The following STXBP6 variants were observed in gnomAD, a reference collection of about 807,000 sequenced individuals.
The protein encoded by STXBP6 is syntaxin-binding protein 6.
A neutral mutation model predicts 26.9 loss-of-function variants in STXBP6; 21 were observed. That is an observed-to-expected ratio of 0.78 (90% CI 0.55 to 1.12). The LOEUF (loss-of-function observed/expected upper bound fraction) is 1.12, where lower values mean the gene tolerates loss of function less well. Ranked by LOEUF, STXBP6 falls within the 50% of genes most tolerant of loss-of-function variation. The probability of loss-of-function intolerance (pLI) is 0.00; values close to 1 mark genes in which losing one functional copy is unlikely to be tolerated. For synonymous variants in STXBP6, 97 were observed against 92.6 expected, an observed-to-expected ratio of 1.05 and a Z score of -0.27; for missense variants, 232 against 257.9, an observed-to-expected ratio of 0.90 and a Z score of 0.69.
chr14:24,877,215 GC>G (rs371986281), intron 2 of STXBP6, among the ~76,000 whole-genome samples: 70 of 152,146 alleles, frequency 4.6e-4, no homozygotes, highest in African/African-American at 1.5e-3. Context: ...GAATACAATG[GC>G]TCTTTTATGA....
At chr14:24,949,363 AT>A (rs1326971998) in intron 2 of STXBP6, among the ~76,000 whole-genome samples, 1 of 152,188 alleles carries the variant, frequency 6.6e-6, no homozygotes, top group East Asian at 1.9e-4. Flanking sequence ...ACTAAAGAGG[AT>A]TCTGTAGAAG....
chr14:25,045,044 A>T (rs1468079912), intron 1 of STXBP6, among the ~76,000 whole-genome samples: 1 of 152,244 alleles, frequency 6.6e-6, no homozygotes, highest in Non-Finnish European at 1.5e-5. Context: ...ATTAATAGCC[A>T]TACTTAATGA....
At chr14:24,898,807 T>C (rs1391830419) in intron 2 of STXBP6, among the ~76,000 whole-genome samples, 2 of 151,206 alleles carry the variant, frequency 1.3e-5, no homozygotes, top group Non-Finnish European at 2.9e-5. Context: ...TTTATGTTTA[T>C]ATAAAGGCAT....
At chr14:24,946,881 G>T (rs77565422) in intron 2 of STXBP6, among the ~76,000 whole-genome samples, 2,038 of 152,258 alleles carry the variant, frequency 0.013, 40 homozygotes, top group African/African-American at 0.047. Flanking sequence ...AGAGTATTCA[G>T]GAAGGGGCTA....
At chr14:24,990,921 T>C (rs764170978) in intron 1 of STXBP6, among the ~76,000 whole-genome samples, 7 of 139,388 alleles carry the variant, frequency 5.0e-5, no homozygotes, top group African/African-American at 8.1e-5. Context: ...GGGGAGAGGA[T>C]GGAGGAGAGA....
rs189564314 is a variant in STXBP6, at chr14:25,036,046, C to T, written c.-33+13832G>A. ...CAGCCCAGACAACATGGTGAAACCC[C>T]GTCTCTACAAAAAATACAAAAAGTA... On this transcript the variant is annotated intron_variant, in intron 1 of 5. Coordinates refer to ENST00000323944, the MANE Select transcript of STXBP6 (RefSeq NM_001394410.1). Among the ~76,000 whole-genome samples, 719 of 151,796 alleles carry T rather than the reference C, an allele frequency of 4.7e-3. 4 individuals carry two copies. Among genetic ancestry groups the T allele is most frequent in the African/African-American group, 0.016 (644 of 41,394 alleles).
intron 2 of STXBP6, among the ~76,000 whole-genome samples, chr14:24,926,074 TAACTC>T (rs1319615216): frequency 1.3e-5 from 2 of 152,186 alleles, no homozygotes; most frequent in Non-Finnish European, 2.9e-5. Flanking sequence ...TGTTCCCAAA[TAACTC>T]AGCTCTGCTG....
At chr14:25,018,081 T>G (rs1024177069) in intron 1 of STXBP6, among the ~76,000 whole-genome samples, 9 of 152,178 alleles carry the variant, frequency 5.9e-5, no homozygotes, top group Non-Finnish European at 1.0e-4. Context: ...AACACATTCT[T>G]AACCTGATCT....
rs574770277 is a variant in STXBP6 at position 24,904,441 on chromosome 14, G to A, written c.155-47284C>T. Among the ~76,000 whole-genome samples, 4 of 152,196 alleles carry A rather than the reference G, an allele frequency of 2.6e-5. No homozygotes were observed. The Middle Eastern group carries it at 0.014, about 518-fold the overall frequency. ...TTTTTGTAGAATATTACTTTTAATG[G>A]CGAACCCGCAATTACTTTTGCGCCA... On this transcript the variant is annotated intron_variant, in intron 2 of 5. Coordinates refer to ENST00000323944, the MANE Select transcript of STXBP6 (RefSeq NM_001394410.1).
intron 1 of STXBP6, among the ~76,000 whole-genome samples, chr14:25,036,813 G>A (rs1047778606): frequency 1.2e-4 from 16 of 135,492 alleles, no homozygotes; most frequent in Non-Finnish European, 2.1e-4. Context: ...CCAAGATGGC[G>A]CCACAGCACT....
intron 1 of STXBP6, among the ~76,000 whole-genome samples, chr14:25,003,805 C>A (rs1041600311): frequency 2.0e-5 from 3 of 152,168 alleles, no homozygotes; most frequent in Admixed American, 2.0e-4. Context: ...AACAACAAGA[C>A]AAAACATCAC....
intron 2 of STXBP6, among the ~76,000 whole-genome samples, chr14:24,909,709 C>T (rs2071502339): frequency 6.6e-6 from 1 of 150,962 alleles, no homozygotes; most frequent in Admixed American, 6.6e-5. Flanking sequence ...GAGCATTGTA[C>T]TTACCAGATA....
chr14:25,014,284 C>G (rs1566562695), intron 1 of STXBP6, among the ~76,000 whole-genome samples: 1 of 152,064 alleles, frequency 6.6e-6, no homozygotes, highest in Non-Finnish European at 1.5e-5. Context: ...CACTTGAGGC[C>G]AGGAGTTCAA....
At chr14:24,902,561 C>T (rs764931735) in intron 2 of STXBP6, among the ~76,000 whole-genome samples, 3 of 152,200 alleles carry the variant, frequency 2.0e-5, no homozygotes, top group Non-Finnish European at 2.9e-5. Flanking sequence ...AACATCACAA[C>T]TCTACAGACA....
At chr14:24,921,177 G>C (rs751331790) in intron 2 of STXBP6, among the ~76,000 whole-genome samples, 66 of 152,146 alleles carry the variant, frequency 4.3e-4, no homozygotes, top group Non-Finnish European at 8.2e-4. Flanking sequence ...GATGTGTCAG[G>C]ATTCAAGGAA....
At chr14:24,927,546 C>G (rs561065934) in intron 2 of STXBP6, among the ~76,000 whole-genome samples, 12 of 152,328 alleles carry the variant, frequency 7.9e-5, no homozygotes, top group African/African-American at 2.9e-4. Context: ...GTGTTTGTAA[C>G]TATCATACTT....
chr14:24,812,347 C>A lies in STXBP6; in HGVS notation c.*362G>T, dbSNP rs182915393. On this transcript the variant is annotated 3_prime_UTR_variant, in exon 6 of 6. Coordinates refer to ENST00000323944, the MANE Select transcript of STXBP6 (RefSeq NM_001394410.1). The stretch of plus-strand genomic sequence containing the variant: ...ATATCAGAGAAAAAAATACATGTTG[C>A]CAGTTTAGACTCAGCGCAGTTTATC... 139 of 180,028 alleles carry A rather than the reference C, an allele frequency of 7.7e-4. No homozygotes were observed. Among genetic ancestry groups the A allele is most frequent in the Non-Finnish European group, 2.6e-4 (22 of 85,574 alleles). 11.2% of individuals were successfully genotyped at this position (180,028 alleles called of 1,614,324 possible). A position where few individuals can be genotyped will look rare whatever the true frequency, so the allele number is the denominator to read the frequency against.
intron 1 of STXBP6, among the ~76,000 whole-genome samples, chr14:24,975,602 CAT>C (rs1284464963): frequency 6.6e-6 from 1 of 152,192 alleles, no homozygotes; most frequent in Non-Finnish European, 1.5e-5. Context: ...GCAGCTCCCA[CAT>C]GTTATGCTCC....
At chr14:24,939,454 A>G (rs1385708551) in intron 2 of STXBP6, among the ~76,000 whole-genome samples, 1 of 148,688 alleles carries the variant, frequency 6.7e-6, no homozygotes, top group Admixed American at 6.6e-5. Flanking sequence ...AAGTAAATCT[A>G]CATTACCTTT....
Sources: allele counts gnomAD v4.1 joint callset (sites outside exome capture counted in the v4.1 genomes callset), GRCh38; gene constraint gnomAD v4.1.1; transcripts MANE v1.5; gene names NCBI Gene and HGNC (gene_info 2026-07-23, HGNC 2026-07-21).